GNAQ: variants seen among roughly 807,000 people sequenced by gnomAD.
The protein encoded by GNAQ is guanine nucleotide-binding protein G(q) subunit alpha.
A neutral mutation model predicts 43.9 loss-of-function variants in GNAQ; 8 were observed. The ratio of observed to expected loss-of-function variants is 0.18; its 90% CI spans 0.11 to 0.33. The LOEUF is 0.33. Ranked by LOEUF, GNAQ falls within the 10% of genes least tolerant of loss-of-function variation. The pLI, the probability that GNAQ is intolerant of heterozygous loss-of-function variation, is 1.00. For synonymous variants in GNAQ, 155 were observed against 170.7 expected, an observed-to-expected ratio of 0.91 and a Z score of 0.71; for missense variants, 158 against 450.8, an observed-to-expected ratio of 0.35 and a Z score of 5.88.
intron 1 of GNAQ, among the ~76,000 whole-genome samples, chr9:77,961,880 AC>A (rs1177648415): frequency 2.0e-5 from 3 of 152,226 alleles, no homozygotes; most frequent in African/African-American, 7.2e-5. Flanking sequence ...ATAAATTTAG[AC>A]CCAGAAGACA....
chr9:77,851,628 C>T (rs1246223092), intron 2 of GNAQ, among the ~76,000 whole-genome samples: 2 of 152,220 alleles, frequency 1.3e-5, no homozygotes, highest in African/African-American at 4.8e-5. Flanking sequence ...GTAACTGTGT[C>T]CTGCCTCCCC....
chr9:77,917,645 A>G (rs1209437033), intron 2 of GNAQ, among the ~76,000 whole-genome samples: 1 of 152,232 alleles, frequency 6.6e-6, no homozygotes, highest in Non-Finnish European at 1.5e-5. Context: ...GTAGAGCCTT[A>G]AATATGGCTT....
At chr9:77,989,770 T>A (rs1263712166) in intron 1 of GNAQ, among the ~76,000 whole-genome samples, 6 of 152,222 alleles carry the variant, frequency 3.9e-5, no homozygotes. Flanking sequence ...GTGTTTCTGC[T>A]ACCAGCAGCC....
At chr9:77,860,767 T>A (rs972435439) in intron 2 of GNAQ, among the ~76,000 whole-genome samples, 1 of 152,120 alleles carries the variant, frequency 6.6e-6, no homozygotes, top group Non-Finnish European at 1.5e-5. Context: ...AGGCAGAGCA[T>A]TTATTTCCCT....
intron 1 of GNAQ, among the ~76,000 whole-genome samples, chr9:77,951,578 T>G (rs770154997): frequency 2.1e-4 from 32 of 152,294 alleles, no homozygotes; most frequent in Admixed American, 3.9e-4. Flanking sequence ...TACCTAAAAA[T>G]GTAATCATAT....
intron 1 of GNAQ, among the ~76,000 whole-genome samples, chr9:78,001,125 G>A (rs73459778): frequency 0.011 from 1,686 of 152,164 alleles, 36 homozygotes; most frequent in African/African-American, 0.039. Context: ...GGCCAGGTAC[G>A]GTGGCTCATG....
chr9:77,723,732 G>T (rs939746755), intron 6 of GNAQ, among the ~76,000 whole-genome samples: 1 of 152,036 alleles, frequency 6.6e-6, no homozygotes, highest in Admixed American at 6.6e-5. Flanking sequence ...ACTTAGAATT[G>T]GTAAACTCAT....
chr9:77,813,381 A>G (rs1826958666), intron 3 of GNAQ, among the ~76,000 whole-genome samples: 1 of 152,166 alleles, frequency 6.6e-6, no homozygotes, highest in African/African-American at 2.4e-5. Flanking sequence ...TCTATGGCAG[A>G]CTAAGCCTGC....
intron 2 of GNAQ, among the ~76,000 whole-genome samples, chr9:77,919,600 A>G (rs1191469095): frequency 1.3e-5 from 2 of 152,132 alleles, no homozygotes; most frequent in Non-Finnish European, 2.9e-5. Context: ...TGGATGAAGC[A>G]AGGTGAAAAT....
At chr9:77,746,995 T>C (rs555693219) in intron 5 of GNAQ, among the ~76,000 whole-genome samples, 7 of 152,246 alleles carry the variant, frequency 4.6e-5, no homozygotes, top group African/African-American at 7.2e-5. Flanking sequence ...TACAAACTGA[T>C]TGATTTTTAA....
intron 1 of GNAQ, among the ~76,000 whole-genome samples, chr9:77,932,390 T>A (rs575161518): frequency 6.6e-6 from 1 of 152,306 alleles, no homozygotes; most frequent in African/African-American, 2.4e-5. Context: ...TATTGATAGA[T>A]GAATAATAAA....
At position 77,747,802 on chromosome 9, in the gene GNAQ, G is replaced by A. The variant is rs76310373; in HGVS notation, c.736-19135C>T. On this transcript the variant is annotated intron_variant, in intron 5 of 6. Transcript: ENST00000286548. The stretch of plus-strand genomic sequence containing the variant: ...AATGTGTCTTCAGGTTGTAATTCCC[G>A]TGTGGGACCTAATTTCTTGAACATC... Among the ~76,000 whole-genome samples the A allele has an allele frequency of 5.1e-3, 778 of 152,308 alleles. 8 individuals are homozygous for A. Among genetic ancestry groups the A allele is most frequent in the African/African-American group, 0.018 (742 of 41,548 alleles).
At chr9:77,970,449 G>A (rs1489367169) in intron 1 of GNAQ, among the ~76,000 whole-genome samples, 4 of 152,200 alleles carry the variant, frequency 2.6e-5, no homozygotes, top group Non-Finnish European at 4.4e-5. Flanking sequence ...TTCAAAGGCA[G>A]TATGGTGGGC....
chr9:77,867,275 C>A (rs578049711), intron 2 of GNAQ, among the ~76,000 whole-genome samples: 1 of 152,238 alleles, frequency 6.6e-6, no homozygotes, highest in South Asian at 2.1e-4. Flanking sequence ...TTGAAAAATT[C>A]ATTTGTATTC....
intron 5 of GNAQ, among the ~76,000 whole-genome samples, chr9:77,766,085 G>T (rs1826132630): frequency 6.6e-6 from 1 of 152,214 alleles, no homozygotes; most frequent in Non-Finnish European, 1.5e-5. Flanking sequence ...GAATTACTGT[G>T]TAATGGGTAT....
intron 4 of GNAQ, among the ~76,000 whole-genome samples, chr9:77,794,806 T>C (rs941063457): frequency 6.6e-6 from 1 of 152,152 alleles, no homozygotes; most frequent in African/African-American, 2.4e-5. Flanking sequence ...ATGATGGTTT[T>C]AAGAAAGTTA....
chr9:77,719,780 A>T lies in GNAQ; in HGVS notation c.*1543T>A, dbSNP rs1490104704. ...TGAAAAATTGCACATATAGAATTCC[A>T]AACATTTCTCCTGGTAGGTTCAGTT... On this transcript the variant is annotated 3_prime_UTR_variant, in exon 7 of 7. Transcript: ENST00000286548. 4.3e-6 allele frequency: 1 copy of T among 232,700 alleles called. No homozygotes were observed. Among genetic ancestry groups the T allele is most frequent in the African/African-American group, 2.2e-5 (1 of 45,318 alleles). 14.4% of individuals were successfully genotyped at this position (232,700 alleles called of 1,614,324 possible). A position where few individuals can be genotyped will look rare whatever the true frequency, so the allele number is the denominator to read the frequency against.
rs1006482837 is a variant in GNAQ, at chr9:77,856,607, T to G, written c.322-40837A>C. Among the ~76,000 whole-genome samples the G allele has an allele frequency of 1.1e-4, 17 of 152,226 alleles. 1 individual carries two copies. The highest frequency in any genetic ancestry group is 4.1e-4 in the African/African-American group (17 of 41,558). The stretch of plus-strand genomic sequence containing the variant: ...AGGAGACTAAGCCTTGCCCCGAACT[T>G]CAGAATTTCAACATGACTATAGCAG... On this transcript the variant is annotated intron_variant, in intron 2 of 6. Coordinates refer to ENST00000286548, the MANE Select transcript of GNAQ (RefSeq NM_002072.5).
chr9:77,994,185 T>C (rs1352189362), intron 1 of GNAQ, among the ~76,000 whole-genome samples: 1 of 152,118 alleles, frequency 6.6e-6, no homozygotes, highest in Non-Finnish European at 1.5e-5. Flanking sequence ...CCCAGCTAAC[T>C]TTTTTTGCCA....
Sources: allele counts gnomAD v4.1 joint callset (sites outside exome capture counted in the v4.1 genomes callset), GRCh38; gene constraint gnomAD v4.1.1; transcripts MANE v1.5; gene names NCBI Gene and HGNC (gene_info 2026-07-23, HGNC 2026-07-21).